FBXL17: variants seen among roughly 807,000 people sequenced by gnomAD.
FBXL17 encodes F-box and leucine rich repeat protein 17, also known as F-box/LRR-repeat protein 17.
FBXL17 carries 22 observed loss-of-function variants against 66.2 expected under a neutral mutation model. The ratio of observed to expected loss-of-function variants is 0.33; its 90% confidence interval spans 0.24 to 0.47. The LOEUF is 0.47. FBXL17 is among the 20% of genes least tolerant of loss of function. The probability of loss-of-function intolerance (pLI) is 1.00; values close to 1 mark genes in which losing one functional copy is unlikely to be tolerated. For missense variants in FBXL17, 878 were observed against 948.2 expected (o/e 0.93, Z 0.97); for synonymous variants, 474 against 400.5 (o/e 1.18, Z -2.19).
At chr5:108,128,634 G>A (rs1449828751) in intron 6 of FBXL17, among the ~76,000 whole-genome samples, 3 of 152,030 alleles carry the variant, frequency 2.0e-5, no homozygotes, top group Admixed American at 2.0e-4. Context: ...CATGATAGCT[G>A]ATTAAAATAC....
intron 6 of FBXL17, among the ~76,000 whole-genome samples, chr5:108,146,703 A>G (rs1751574817): frequency 6.6e-6 from 1 of 152,182 alleles, no homozygotes; most frequent in South Asian, 2.1e-4. Flanking sequence ...AAAACTATCT[A>G]AACTATCTCC....
chr5:108,091,875 T>C (rs1749199289), intron 6 of FBXL17, among the ~76,000 whole-genome samples: 1 of 152,228 alleles, frequency 6.6e-6, no homozygotes, highest in African/African-American at 2.4e-5. Flanking sequence ...AATCTTTACA[T>C]TATGTTGTAG....
At chr5:108,214,407 G>A (rs1323725573) in intron 5 of FBXL17, among the ~76,000 whole-genome samples, 4 of 142,472 alleles carry the variant, frequency 2.8e-5, no homozygotes, top group South Asian at 2.2e-4. Context: ...TCACTCTGTC[G>A]CCCAGGCCAG....
intron 1 of FBXL17, among the ~76,000 whole-genome samples, chr5:108,378,721 A>G (rs1749623662): frequency 6.6e-6 from 1 of 152,204 alleles, no homozygotes; most frequent in African/African-American, 2.4e-5. Flanking sequence ...CACAGACTCT[A>G]AACACCTGAT....
chr5:108,168,680 CAG>C (rs1169906218), intron 6 of FBXL17, among the ~76,000 whole-genome samples: 2 of 152,056 alleles, frequency 1.3e-5, no homozygotes, highest in Non-Finnish European at 2.9e-5. Flanking sequence ...TAATAAAACA[CAG>C]AGAGTTGCGA....
At chr5:108,092,690 G>A (rs1347432350) in intron 6 of FBXL17, among the ~76,000 whole-genome samples, 1 of 151,988 alleles carries the variant, frequency 6.6e-6, no homozygotes, top group Non-Finnish European at 1.5e-5. Context: ...ATCATTTATA[G>A]GTCTCATTAA....
chr5:108,270,633 A>G (rs964225396), intron 4 of FBXL17, among the ~76,000 whole-genome samples: 3 of 151,356 alleles, frequency 2.0e-5, no homozygotes, highest in African/African-American at 7.3e-5. Context: ...GACATTTAAG[A>G]TTTTCTTTCT....
intron 6 of FBXL17, among the ~76,000 whole-genome samples, chr5:108,152,049 G>A (rs113824788): frequency 2.0e-5 from 3 of 152,066 alleles, no homozygotes; most frequent in African/African-American, 7.2e-5. Context: ...ATTTTGAATC[G>A]CTGGTGAACC....
At chr5:108,336,042 G>A (rs566464555) in intron 4 of FBXL17, among the ~76,000 whole-genome samples, 2 of 151,974 alleles carry the variant, frequency 1.3e-5, no homozygotes, top group Non-Finnish European at 2.9e-5. Context: ...AAAACAAACT[G>A]CATTACTGTA....
At chr5:108,278,806 C>T (rs1757587785) in intron 4 of FBXL17, among the ~76,000 whole-genome samples, 1 of 152,176 alleles carries the variant, frequency 6.6e-6, no homozygotes, top group African/African-American at 2.4e-5. Context: ...AACTGCATGG[C>T]CTCCCCATCA....
intron 6 of FBXL17, among the ~76,000 whole-genome samples, chr5:108,042,394 T>C (rs778369352): frequency 1.3e-5 from 2 of 152,166 alleles, no homozygotes; most frequent in Non-Finnish European, 2.9e-5. Context: ...ATGGTGTCCT[T>C]CTATATCCCA....
At chr5:108,196,848 G>A (rs538287386) in intron 5 of FBXL17, among the ~76,000 whole-genome samples, 1 of 152,122 alleles carries the variant, frequency 6.6e-6, no homozygotes, top group Non-Finnish European at 1.5e-5. Context: ...AGCATAATGA[G>A]TTCTCTATTT....
intron 6 of FBXL17, among the ~76,000 whole-genome samples, chr5:108,124,389 C>A (rs1241761713): frequency 6.6e-6 from 1 of 151,820 alleles, no homozygotes; most frequent in African/African-American, 2.4e-5. Flanking sequence ...CACTTCTGGG[C>A]CTCAGTTTCT....
At chr5:108,321,042 C>G (rs567447499) in intron 4 of FBXL17, among the ~76,000 whole-genome samples, 1 of 151,862 alleles carries the variant, frequency 6.6e-6, no homozygotes, top group African/African-American at 2.4e-5. Flanking sequence ...TATTTAGTAA[C>G]AGCAATCTTC....
intron 3 of FBXL17, among the ~76,000 whole-genome samples, chr5:108,362,397 C>T (rs1232290282): frequency 2.0e-5 from 3 of 151,988 alleles, no homozygotes; most frequent in East Asian, 3.8e-4. Context: ...ACTTTGACTA[C>T]TATTATCGTT....
chr5:108,200,759 G>A (rs1415100822), intron 5 of FBXL17, among the ~76,000 whole-genome samples: 1 of 151,992 alleles, frequency 6.6e-6, no homozygotes, highest in Admixed American at 6.6e-5. Flanking sequence ...GAAGTCTACA[G>A]TGGGGGAAGC....
chr5:107,950,919 C>G (rs1174495253), intron 7 of FBXL17, among the ~76,000 whole-genome samples: 1 of 152,152 alleles, frequency 6.6e-6, no homozygotes, highest in Non-Finnish European at 1.5e-5. Context: ...GCCATGAAGG[C>G]AAAACTAATT....
At chr5:108,187,055 G>C (rs1753267631) in intron 5 of FBXL17, among the ~76,000 whole-genome samples, 1 of 151,968 alleles carries the variant, frequency 6.6e-6, no homozygotes. Context: ...ACTATTATGG[G>C]TATGTGTTTC....
intron 8 of FBXL17, among the ~76,000 whole-genome samples, chr5:107,871,369 A>G (rs1748448529): frequency 6.6e-6 from 1 of 152,208 alleles, no homozygotes; most frequent in East Asian, 1.9e-4. Flanking sequence ...GATCACAGAA[A>G]CGCCTGCAGT....
Sources: gnomAD v4.1 joint callset for allele counts (sites outside exome capture counted in the v4.1 genomes callset) on GRCh38, gnomAD v4.1.1 for gene constraint, MANE v1.5 for transcripts, NCBI Gene and HGNC (gene_info 2026-07-23, HGNC 2026-07-21) for gene names.